Variants in PTPRN2 observed in about 807,000 individuals in gnomAD.
PTPRN2 encodes receptor-type tyrosine-protein phosphatase N2.
Under a neutral mutation model 118.8 loss-of-function variants are expected in PTPRN2, and 74 were observed. That is an observed-to-expected ratio of 0.62 (90% CI 0.52 to 0.76). The LOEUF is 0.76. PTPRN2 is among the 30% of genes least tolerant of loss of function. The pLI is 0.00. For synonymous variants in PTPRN2, 641 were observed against 608.0 expected (o/e 1.05, Z -0.80); for missense variants, 1,481 against 1,394.4 (o/e 1.06, Z -0.99).
At position 157,618,464 on chromosome 7, in the gene PTPRN2, CCA is replaced by C. The variant is rs1802937502; in HGVS notation, c.2344+2896_2344+2897del. 1 of 152,502 alleles carries C rather than the reference CCA, an allele frequency of 6.6e-6. No homozygotes were observed. The highest frequency in any genetic ancestry group is 1.5e-5 in the Non-Finnish European group (1 of 68,252). 9.4% of individuals were successfully genotyped at this position (152,502 alleles called of 1,614,324 possible). On this transcript the variant is annotated intron_variant, in intron 15 of 22. Coordinates refer to ENST00000389418, the MANE Select transcript of PTPRN2 (RefSeq NM_002847.5). This position sits in a 1 kb window ranked among gnomAD's most constrained non-coding sequence, Gnocchi z 4.2. ...GGAGCCCAGCTCGAGTGCCGTCCCCCCACCATGACAGCGCAGCATGGGCCTTC... is the reference window on the plus strand; with the variant it reads ...GGAGCCCAGCTCGAGTGCCGTCCCCCCCATGACAGCGCAGCATGGGCCTTC...
rs140911436 is a variant in PTPRN2, at chr7:158,375,748, G to A, written c.164-58816C>T. On this transcript the variant is annotated intron_variant, in intron 2 of 22. Transcript: ENST00000389418. ...AAGAGCGGAGGAACAGAAGAGTGGC[G>A]TGTCAGGGAAGGAGAGAAGAGAAGG... Among the ~76,000 whole-genome samples, 1,112 of 152,206 alleles carry A rather than the reference G, an allele frequency of 7.3e-3. 4 individuals carry two copies. Among genetic ancestry groups the A allele is most frequent in the Non-Finnish European group, 1.0e-2 (679 of 68,016 alleles).
In PTPRN2 at chr7:157,627,728, G is replaced by A. The variant is rs1331314882; in HGVS notation, c.2197-6219C>T. On this transcript the variant is annotated intron_variant, in intron 14 of 22. Coordinates refer to ENST00000389418, the MANE Select transcript of PTPRN2 (RefSeq NM_002847.5). The surrounding 1 kb of genome is among the most constrained non-coding windows in gnomAD (Gnocchi z 4.2). ...CTGAGGGCCTAGACATGATGTGCTT[G>A]TGGAAGAGTGAATTCCTAGATCAAA... Among the ~76,000 whole-genome samples the A allele has an allele frequency of 2.0e-5, 3 of 152,168 alleles. No homozygotes were observed. The highest frequency in any genetic ancestry group is 4.4e-5 in the Non-Finnish European group (3 of 68,034).
At chr7:157,693,805 C>T (rs1383404224) in intron 12 of PTPRN2, among the ~76,000 whole-genome samples, 1 of 151,216 alleles carries the variant, frequency 6.6e-6, no homozygotes, top group East Asian at 1.9e-4. Flanking sequence ...GCCGGAGCCT[C>T]ATCCAGGCTG....
chr7:158,557,211 G>A (rs1259782659), intron 1 of PTPRN2, among the ~76,000 whole-genome samples: 15 of 115,572 alleles, frequency 1.3e-4, no homozygotes, highest in Admixed American at 4.7e-4. Flanking sequence ...CACGCAGGTC[G>A]CTCCCACGCA....
At chr7:157,568,303 C>G (rs1224519788) in intron 21 of PTPRN2, among the ~76,000 whole-genome samples, 1 of 152,186 alleles carries the variant, frequency 6.6e-6, no homozygotes, top group Non-Finnish European at 1.5e-5. Flanking sequence ...GGCCTCAAGT[C>G]TAAGACTCCC....
chr7:157,772,314 T>TAC (rs1802917087), intron 12 of PTPRN2, among the ~76,000 whole-genome samples: 1 of 68,728 alleles, frequency 1.5e-5, no homozygotes, highest in African/African-American at 8.8e-5. Context: ...CAGACACACA[T>TAC]AGACACAGAC....
rs1031502384 is a variant in PTPRN2 at position 158,378,854 on chromosome 7, G to A, written c.164-61922C>T. On this transcript the variant is annotated intron_variant, in intron 2 of 22. Transcript: ENST00000389418. ...CTGAGATATTATATATAAAATACTT[G>A]ACAAAATTCTTACCAGAAAAGGCTG... is the stretch of plus-strand genomic sequence containing the variant. Among the ~76,000 whole-genome samples the A allele has an allele frequency of 2.8e-4, 42 of 152,210 alleles. 1 individual carries two copies. The highest frequency in any genetic ancestry group is 2.4e-3 in the Admixed American group (36 of 15,276).
chr7:158,561,484 T>C (rs75098519), intron 1 of PTPRN2, among the ~76,000 whole-genome samples: 1,982 of 152,344 alleles, frequency 0.013, 31 homozygotes, highest in African/African-American at 0.041. Context: ...CAAATGGTGT[T>C]ACACACCAGA....
intron 11 of PTPRN2, among the ~76,000 whole-genome samples, chr7:157,976,847 G>T (rs750327202): frequency 1.2e-4 from 18 of 151,858 alleles, no homozygotes; most frequent in Non-Finnish European, 1.9e-4. Flanking sequence ...ATAGAGGTGT[G>T]GTAGCATTTT....
intron 3 of PTPRN2, among the ~76,000 whole-genome samples, chr7:158,273,202 G>T (rs189112590): frequency 1.3e-5 from 2 of 152,326 alleles, no homozygotes; most frequent in East Asian, 3.9e-4. Context: ...CAGGGCACGT[G>T]GAGCTCCAGG....
intron 3 of PTPRN2, among the ~76,000 whole-genome samples, chr7:158,214,526 ACAC>A (rs1364022287): frequency 6.6e-6 from 1 of 152,094 alleles, no homozygotes; most frequent in Non-Finnish European, 1.5e-5. Flanking sequence ...CCCCAGCAAA[ACAC>A]CACAGAAAAA....
chr7:158,276,917 C>G (rs913322471), intron 3 of PTPRN2, among the ~76,000 whole-genome samples: 28 of 152,272 alleles, frequency 1.8e-4, no homozygotes, highest in Admixed American at 4.6e-4. Context: ...CAGGTGCTGT[C>G]TATCAGCTCT....
At chr7:158,201,959 C>T (rs117003842) in intron 4 of PTPRN2, among the ~76,000 whole-genome samples, 3,942 of 152,286 alleles carry the variant, frequency 0.026, 81 homozygotes, top group Middle Eastern at 0.051. Flanking sequence ...GCTATGGCCA[C>T]TCATATTTGG....
At chr7:158,500,367 T>C (rs1363487148) in intron 1 of PTPRN2, among the ~76,000 whole-genome samples, 1 of 152,210 alleles carries the variant, frequency 6.6e-6, no homozygotes, top group Non-Finnish European at 1.5e-5. Context: ...ATTTCCAGTG[T>C]GCTGGGAATT....
chr7:158,091,123 G>T (rs116044127), intron 10 of PTPRN2, among the ~76,000 whole-genome samples: 1 of 152,160 alleles, frequency 6.6e-6, no homozygotes, highest in Non-Finnish European at 1.5e-5. Flanking sequence ...CTATACAGTC[G>T]ATACATAACA....
intron 15 of PTPRN2, among the ~76,000 whole-genome samples, chr7:157,607,094 C>T (rs1023057627): frequency 2.6e-5 from 4 of 152,236 alleles, no homozygotes; most frequent in African/African-American, 9.6e-5. Flanking sequence ...GCAAAAATCC[C>T]AGGGACTCAA....
chr7:158,156,614 G>A (rs550776056), intron 6 of PTPRN2, among the ~76,000 whole-genome samples: 15 of 152,302 alleles, frequency 9.8e-5, no homozygotes, highest in East Asian at 5.8e-4. Flanking sequence ...GCAGTCAGAC[G>A]CTCGGCATGA....
intron 12 of PTPRN2, among the ~76,000 whole-genome samples, chr7:157,689,814 A>G (rs2150829682): frequency 1.3e-5 from 2 of 152,214 alleles, no homozygotes; most frequent in African/African-American, 4.8e-5. Flanking sequence ...CTGCCTCTGG[A>G]ACGCCTCTCC....
intron 2 of PTPRN2, among the ~76,000 whole-genome samples, chr7:158,395,601 G>A (rs866754727): frequency 9.0e-6 from 1 of 111,548 alleles, no homozygotes; most frequent in South Asian, 3.2e-4. Flanking sequence ...TGAGGGGTGA[G>A]GGGTGAGGCG....
Sources: allele counts gnomAD v4.1 joint callset (sites outside exome capture counted in the v4.1 genomes callset), GRCh38; gene constraint gnomAD v4.1.1; non-coding constraint Gnocchi (gnomAD v3.1); transcripts MANE v1.5; gene names NCBI Gene and HGNC (gene_info 2026-07-23, HGNC 2026-07-21).